KCNH5: variants seen among roughly 807,000 people sequenced by gnomAD.
KCNH5 encodes potassium voltage-gated channel subfamily H member 5, also known as voltage-gated delayed rectifier potassium channel KCNH5.
Under a neutral mutation model 96.1 loss-of-function variants are expected in KCNH5, and 46 were observed. That is an observed-to-expected ratio of 0.48 (90% CI 0.38 to 0.61). The LOEUF is 0.61. Among genes scored for constraint, KCNH5 ranks in the 20% least tolerant of loss-of-function variants. The pLI is 0.00. For synonymous variants in KCNH5, 439 were observed against 449.8 expected (o/e 0.98, Z 0.30); for missense variants, 907 against 1,225.8 (o/e 0.74, Z 3.88).
intron 10 of KCNH5, among the ~76,000 whole-genome samples, chr14:62,776,064 C>T (rs887589218): frequency 2.0e-5 from 3 of 151,872 alleles, no homozygotes; most frequent in Admixed American, 6.6e-5. Context: ...GTCACGAGTT[C>T]AAGACCAGCC....
chr14:62,972,944 T>C (rs113572295), intron 6 of KCNH5, among the ~76,000 whole-genome samples: 90 of 152,344 alleles, frequency 5.9e-4, no homozygotes, highest in African/African-American at 2.0e-3. Flanking sequence ...CTTGTCATCA[T>C]ACTTCTGTCC....
At chr14:63,037,449 T>C (rs1349355015) in intron 1 of KCNH5, among the ~76,000 whole-genome samples, 4 of 152,154 alleles carry the variant, frequency 2.6e-5, no homozygotes, top group Non-Finnish European at 5.9e-5. Flanking sequence ...AGAAAGGGCA[T>C]GAGAGCCAAG....
At chr14:62,778,917 C>T (rs1344185013) in intron 10 of KCNH5, among the ~76,000 whole-genome samples, 1 of 152,184 alleles carries the variant, frequency 6.6e-6, no homozygotes, top group Non-Finnish European at 1.5e-5. Context: ...TATCTCTTTG[C>T]TCAATTTCTT....
chr14:63,012,934 T>C (rs1395100268), intron 2 of KCNH5, among the ~76,000 whole-genome samples: 1 of 150,580 alleles, frequency 6.6e-6, no homozygotes, highest in Non-Finnish European at 1.5e-5. Context: ...ATAAACACAC[T>C]TTAGAATTAA....
chr14:62,781,212 T>C (rs1886204706), intron 9 of KCNH5, among the ~76,000 whole-genome samples: 1 of 152,110 alleles, frequency 6.6e-6, no homozygotes, highest in African/African-American at 2.4e-5. Context: ...AAGTTTTTAT[T>C]AGGGATTTTC....
At chr14:62,776,671 C>T (rs1247095212) in intron 10 of KCNH5, among the ~76,000 whole-genome samples, 1 of 152,060 alleles carries the variant, frequency 6.6e-6, no homozygotes, top group Admixed American at 6.5e-5. Flanking sequence ...CATTCCATGC[C>T]GTAGTTGTTT....
chr14:62,903,907 AT>A (rs200954491), intron 7 of KCNH5, among the ~76,000 whole-genome samples: 2 of 151,914 alleles, frequency 1.3e-5, no homozygotes, highest in East Asian at 3.9e-4. Flanking sequence ...TATAAATCAT[AT>A]TTTTTTATTT....
intron 10 of KCNH5, among the ~76,000 whole-genome samples, chr14:62,765,440 C>G (rs1031477784): frequency 6.6e-6 from 1 of 152,132 alleles, no homozygotes; most frequent in Middle Eastern, 3.2e-3. Flanking sequence ...TTAGGAAACA[C>G]CATTCTGGAC....
At chr14:62,902,980 A>G (rs1052760636) in intron 7 of KCNH5, among the ~76,000 whole-genome samples, 2 of 152,110 alleles carry the variant, frequency 1.3e-5, no homozygotes, top group African/African-American at 2.4e-5. Flanking sequence ...GGCCTCCCCA[A>G]GTGCTGGGAT....
At chr14:62,724,677 A>C (rs1435213563) in intron 10 of KCNH5, among the ~76,000 whole-genome samples, 1 of 152,188 alleles carries the variant, frequency 6.6e-6, no homozygotes, top group Non-Finnish European at 1.5e-5. Context: ...TTTGCTGCTA[A>C]TTACCAAGGT....
chr14:63,007,888 G>T (rs1480484176), intron 2 of KCNH5, among the ~76,000 whole-genome samples: 1 of 152,074 alleles, frequency 6.6e-6, no homozygotes, highest in East Asian at 1.9e-4. Context: ...TCTAATGTTT[G>T]ACATTCTCTA....
At chr14:62,967,093 C>A (rs1890319434) in intron 6 of KCNH5, among the ~76,000 whole-genome samples, 1 of 152,138 alleles carries the variant, frequency 6.6e-6, no homozygotes, top group Non-Finnish European at 1.5e-5. Flanking sequence ...ATGCCACAGG[C>A]AGTTTCAGAG....
chr14:62,898,028 T>C (rs190910705), intron 7 of KCNH5, among the ~76,000 whole-genome samples: 45 of 152,302 alleles, frequency 3.0e-4, no homozygotes, highest in African/African-American at 9.9e-4. Context: ...CCAGCAAGTA[T>C]TTATTAAGCA....
chr14:62,708,147 C>A lies in KCNH5; in HGVS notation c.2328G>T (p.Gln776His). Residue 776 changes from glutamine (Q) to histidine (H), a missense_variant, in exon 11 of 11, where the codon CAG becomes CAT. Coordinates refer to ENST00000322893, the MANE Select transcript of KCNH5 (RefSeq NM_139318.5). Reference protein sequence around the residue: ...AYVKTSESLKQNNRDAMELKP... With the variant: ...AYVKTSESLKHNNRDAMELKP... Reference sequence around the variant, plus strand: ...TGAGTTCCATGGCATCACGGTTGTTCTGCTTAAGGGATTCACTGGTTTTCA... The same window carrying A: ...TGAGTTCCATGGCATCACGGTTGTTATGCTTAAGGGATTCACTGGTTTTCA... 6.2e-7 allele frequency: 1 copy of A among 1,614,210 alleles called. No homozygotes were observed. Among genetic ancestry groups the A allele is most frequent in the Non-Finnish European group, 8.5e-7 (1 of 1,180,048 alleles).
At chr14:62,759,985 C>T (rs1378526907) in intron 10 of KCNH5, among the ~76,000 whole-genome samples, 1 of 152,164 alleles carries the variant, frequency 6.6e-6, no homozygotes, top group Non-Finnish European at 1.5e-5. Context: ...TACAGGGAGT[C>T]TTCCCAGAGT....
chr14:62,964,225 T>C lies in KCNH5; in HGVS notation c.943-13666A>G, dbSNP rs372629765. 1.1e-4 allele frequency among the ~76,000 whole-genome samples: 17 copies of C among 152,248 alleles called. No homozygotes were observed. The East Asian group carries it at 3.3e-3, about 29-fold the overall frequency. On this transcript the variant is annotated intron_variant, in intron 6 of 10. Transcript: ENST00000322893. The stretch of plus-strand genomic sequence containing the variant: ...TGGTCTAGGGCCATACATTAGGTTC[T>C]AAGGTACCACTGTTATTTGTGCTAT...
intron 7 of KCNH5, among the ~76,000 whole-genome samples, chr14:62,926,227 G>A (rs1194120860): frequency 2.6e-5 from 4 of 152,128 alleles, no homozygotes; most frequent in African/African-American, 9.7e-5. Flanking sequence ...TATTTGATAA[G>A]CTAGAAGTAT....
intron 8 of KCNH5, among the ~76,000 whole-genome samples, chr14:62,807,297 T>C (rs968209072): frequency 6.6e-6 from 1 of 152,148 alleles, no homozygotes; most frequent in Non-Finnish European, 1.5e-5. Flanking sequence ...ATCTGACAAC[T>C]ACTCTAGTAA....
chr14:62,715,749 A>C (rs1884671579), intron 10 of KCNH5, among the ~76,000 whole-genome samples: 1 of 151,886 alleles, frequency 6.6e-6, no homozygotes, highest in Non-Finnish European at 1.5e-5. Context: ...TTTTTGAAGA[A>C]TTAATTAATT....
Sources: allele counts gnomAD v4.1 joint callset (sites outside exome capture counted in the v4.1 genomes callset), GRCh38; gene constraint gnomAD v4.1.1; transcripts MANE v1.5; gene names NCBI Gene and HGNC (gene_info 2026-07-23, HGNC 2026-07-21).